Variants in PCM1 observed in about 807,000 individuals in gnomAD.
PCM1 encodes the protein pericentriolar material 1 protein.
PCM1 carries 157 observed loss-of-function variants against 241.9 expected under a neutral mutation model. The observed-to-expected ratio is 0.65, with a 90% CI of 0.57 to 0.74. The LOEUF is 0.74. Ranked by LOEUF, PCM1 falls within the 30% of genes least tolerant of loss-of-function variation. PCM1 has a pLI of 0.00. For synonymous variants in PCM1, 1,085 were observed against 784.9 expected, an observed-to-expected ratio of 1.38 and a Z score of -6.39; for missense variants, 3,478 against 2,360.1, an observed-to-expected ratio of 1.47 and a Z score of -9.81.
In PCM1 at chr8:17,937,360, A is replaced by T. The variant is rs1248733203; in HGVS notation, c.323A>T (p.Asn108Ile). The change falls in exon 4 of 39, where the codon AAC becomes ATC. Residue 108 changes from asparagine (N) to isoleucine (I), a missense_variant. By Grantham distance (149) the Asn-to-Ile change is moderately radical (BLOSUM62 -3). Coordinates refer to ENST00000325083, the MANE Select transcript of PCM1 (RefSeq NM_006197.4). ...AELEKLKQRINFSDLDQRSIG... is the reference protein window; with the variant it reads ...AELEKLKQRIIFSDLDQRSIG... ...TTAGAGAAACTGAAACAGCGGATAAACTTCAGTGATTTAGATCAGGTTTGT... is the reference window on the plus strand; with the variant it reads ...TTAGAGAAACTGAAACAGCGGATAATCTTCAGTGATTTAGATCAGGTTTGT... 1 of 1,598,938 alleles carries T rather than the reference A, an allele frequency of 6.3e-7. No individual in the cohort carries two copies. The highest frequency in any genetic ancestry group is 8.5e-7 in the Non-Finnish European group (1 of 1,173,576).
chr8:18,017,057 C>G (rs924902556), intron 36 of PCM1, among the ~76,000 whole-genome samples: 1 of 152,194 alleles, frequency 6.6e-6, no homozygotes, highest in Non-Finnish European at 1.5e-5. Context: ...TAATGGATGA[C>G]TACGGCAGGA....
rs146553493 is a variant in PCM1, at chr8:18,025,604, T to C, written c.5995T>C (p.Cys1999Arg). 2.5e-5 allele frequency: 39 copies of C among 1,584,196 alleles called. No individual in the cohort carries two copies. In the African/African-American group the frequency reaches 3.4e-4, roughly 14 times the overall value. ...EQKNHLSGEI[C>R]EMQTEELAGN... ...GAAAAACCATTTATCTGGTGAAATA[T>C]GTGAAATGCAGACCGAAGAATTAGC... The change falls in exon 38 of 39, where the codon TGT becomes CGT. Residue 1999 changes from cysteine to arginine, a missense_variant. By Grantham distance (180) the Cys-to-Arg change is radical. Transcript: ENST00000325083.
chr8:18,005,584 C>G (rs756267398), intron 29 of PCM1, among the ~76,000 whole-genome samples: 2 of 152,118 alleles, frequency 1.3e-5, no homozygotes, highest in Middle Eastern at 3.4e-3. Context: ...ATGGACTCAA[C>G]CTCAGAAAGT....
rs762820414 is a variant in PCM1, at chr8:17,937,325, G to A, written c.288G>A (p.Glu96=). Reference sequence around the variant, plus strand: ...ACATGAGTCAGATGTCTGTCCCAGAGCAGGCAGAATTAGAGAAACTGAAAC... The same window carrying A: ...ACATGAGTCAGATGTCTGTCCCAGAACAGGCAGAATTAGAGAAACTGAAAC... The part of the protein sequence containing the change: ...SRYMSQMSVP[E]QAELEKLKQR... The change falls in exon 4 of 39, where the codon GAG becomes GAA. Residue 96 remains glutamate, a synonymous_variant. Transcript: ENST00000325083. 4.4e-6 allele frequency: 7 copies of A among 1,608,490 alleles called. No homozygotes were observed.
intron 2 of PCM1, among the ~76,000 whole-genome samples, chr8:17,933,324 C>T (rs1321004733): frequency 6.6e-6 from 1 of 152,202 alleles, no homozygotes; most frequent in Non-Finnish European, 1.5e-5. Context: ...ACCATATAGA[C>T]AGCTAATTTG....
rs759747967 is a variant in PCM1, at chr8:17,957,367, A to T, written c.1750A>T (p.Ile584Phe). The change falls in exon 12 of 39, where the codon ATT becomes TTT. Residue 584 changes from isoleucine to phenylalanine, a missense_variant. Transcript: ENST00000325083. ...GCGAACAGTTAATTCTAATTGTGAA[A>T]TTAACAACAGATCTGCTGCCAACAT... ...DGRTVNSNCEINNRSAANIRA... is the reference protein window; with the variant it reads ...DGRTVNSNCEFNNRSAANIRA... 6.2e-7 allele frequency: 1 copy of T among 1,612,862 alleles called. No individual in the cohort carries two copies. The highest frequency in any genetic ancestry group is 1.7e-5 in the Admixed American group (1 of 60,018).
At chr8:17,969,431 G>A in intron 21 of PCM1, 146 bp from the exon 22 acceptor site, 1 of 635,882 alleles carries the variant, frequency 1.6e-6, no homozygotes, top group Non-Finnish European at 2.6e-6. Flanking sequence ...ACAGTGATTG[G>A]ATAAATATTA....
chr8:17,998,254 TTGTTGGTGTC>T (rs1440637345), intron 29 of PCM1, among the ~76,000 whole-genome samples: 1 of 152,034 alleles, frequency 6.6e-6, no homozygotes, highest in Non-Finnish European at 1.5e-5. Context: ...TTGTGGATGT[TTGTTGGTGTC>T]TGGGCATTGA....
At chr8:17,937,485 TA>T (rs374934681) in intron 4 of PCM1, 106 bp downstream of exon 4, 6 of 1,053,558 alleles carry the variant, frequency 5.7e-6, no homozygotes, top group South Asian at 1.7e-5. Flanking sequence ...ATGTAATTTT[TA>T]AAAAAAGTTT....
At position 17,960,026 on chromosome 8, in the gene PCM1, G is replaced by A. The variant is rs185160982; in HGVS notation, c.2053G>A (p.Ala685Thr). The A allele has an allele frequency of 2.5e-6, 4 of 1,612,518 alleles. No homozygotes were observed. The highest frequency in any genetic ancestry group is 3.3e-5 in the Admixed American group (2 of 59,788). ...LVAMVQDDDA[A>T]QGVISASASN... ...GATGCTCTTTCAGGATGATGATGCA[G>A]CTCAAGGAGTTATCTCTGCCAGTGC... Residue 685 changes from alanine (A) to threonine (T), a missense_variant, in exon 14 of 39, where the codon GCT becomes ACT. By Grantham distance (58) the Ala-to-Thr change is moderately conservative. Coordinates refer to ENST00000325083, the MANE Select transcript of PCM1 (RefSeq NM_006197.4).
rs1050332827 is a variant in PCM1, at chr8:18,027,693, C to G, written c.*31C>G. On this transcript the variant is annotated 3_prime_UTR_variant, in exon 39 of 39. Transcript: ENST00000325083. ...CTTCAGAGGCTCATCTAACTCTGTC[C>G]TTACATACTCAATGCATATATGAAA... The G allele has an allele frequency of 4.0e-6, 6 of 1,513,284 alleles. No individual in the cohort carries two copies. The Admixed American group carries it at 5.1e-5, about 13-fold the overall frequency. 93.7% of individuals were successfully genotyped at this position (1,513,284 alleles called of 1,614,324 possible).
intron 2 of PCM1, 29 bp from the exon 3 acceptor site, chr8:17,935,560 T>C (rs2060170538): frequency 8.9e-6 from 7 of 784,232 alleles, no homozygotes; most frequent in South Asian, 1.5e-5. Flanking sequence ...TTATGTGTTA[T>C]AAAGCTCAGT....
At chr8:17,953,955 A>G (rs1174728869) in intron 9 of PCM1, among the ~76,000 whole-genome samples, 1 of 152,116 alleles carries the variant, frequency 6.6e-6, no homozygotes, top group Admixed American at 6.5e-5. Flanking sequence ...TAACAAAACC[A>G]TTGTCTCTGG....
intron 15 of PCM1, 87 bp downstream of exon 15, chr8:17,960,531 TTC>T: frequency 1.2e-6 from 1 of 865,666 alleles, no homozygotes; most frequent in East Asian, 2.9e-5. Context: ...GTTTTTGTTT[TTC>T]TTTTTTTTTG....
At chr8:17,957,102 A>G (rs761652730) in intron 11 of PCM1, among the ~76,000 whole-genome samples, 162 bp from the exon 12 acceptor site, 1 of 152,226 alleles carries the variant, frequency 6.6e-6, no homozygotes, top group Admixed American at 6.5e-5. Flanking sequence ...GCACATATGC[A>G]GAAGTTAATG....
chr8:18,015,893 A>C (rs1196325996), intron 36 of PCM1: 1 of 152,128 alleles, frequency 6.6e-6, no homozygotes, highest in Non-Finnish European at 1.5e-5. Flanking sequence ...AGTTTATCTG[A>C]GTAATTTTAT....
chr8:17,940,935 T>A (rs1033718019), intron 6 of PCM1, among the ~76,000 whole-genome samples: 1 of 152,132 alleles, frequency 6.6e-6, no homozygotes, highest in African/African-American at 2.4e-5. Flanking sequence ...ATATATCTCT[T>A]CGGGTTTTGA....
chr8:17,989,519 T>C (rs1172547937), intron 26 of PCM1, among the ~76,000 whole-genome samples: 5 of 152,060 alleles, frequency 3.3e-5, no homozygotes. Context: ...TACTAGACAT[T>C]GTTAGCATTT....
In PCM1 at chr8:17,989,958, C is replaced by G; in HGVS notation, c.4510C>G (p.Pro1504Ala). 1.3e-6 allele frequency: 2 copies of G among 1,532,638 alleles called. No homozygotes were observed. The highest frequency in any genetic ancestry group is 1.8e-6 in the Non-Finnish European group (2 of 1,138,202). 94.9% of individuals were successfully genotyped at this position (1,532,638 alleles called of 1,614,324 possible). A position where few individuals can be genotyped will look rare whatever the true frequency, so the allele number is the denominator to read the frequency against. ...SVLSVSSNFE[P>A]FATDDLGNTV... ...CCTGTCTGTATCATCAAATTTTGAGCCTTTTGCAACAGATGATCTAGGTAA... is the reference window on the plus strand; with the variant it reads ...CCTGTCTGTATCATCAAATTTTGAGGCTTTTGCAACAGATGATCTAGGTAA... The change falls in exon 27 of 39, where the codon CCT becomes GCT. Residue 1504 changes from proline to alanine, a missense_variant. By Grantham distance (27) the Pro-to-Ala change is conservative. Transcript: ENST00000325083.
Sources: gnomAD v4.1 joint callset for allele counts (sites outside exome capture counted in the v4.1 genomes callset) on GRCh38, gnomAD v4.1.1 for gene constraint, MANE v1.5 for transcripts, NCBI Gene and HGNC (gene_info 2026-07-23, HGNC 2026-07-21) for gene names.